Variants in STMN2 observed in about 807,000 individuals in gnomAD.
The protein encoded by STMN2 is stathmin 2, also known as stathmin-2.
Under a neutral mutation model 24.1 loss-of-function variants are expected in STMN2, and 2 were observed. That is an observed-to-expected ratio of 0.08 (90% CI 0.03 to 0.26). STMN2 has a LOEUF of 0.26. STMN2 is among the 10% of genes least tolerant of loss of function. The pLI, the probability that STMN2 is intolerant of heterozygous loss-of-function variation, is 1.00. For synonymous variants in STMN2, 83 were observed against 77.5 expected (o/e 1.07, Z -0.37); for missense variants, 114 against 213.6 (o/e 0.53, Z 2.91).
intron 1 of STMN2, among the ~76,000 whole-genome samples, chr8:79,614,197 GA>G (rs1375680603): frequency 6.6e-6 from 1 of 151,736 alleles, no homozygotes; most frequent in African/African-American, 2.4e-5. Context: ...TGCAAATCAT[GA>G]AAAAAACACT....
intron 2 of STMN2, 24 bp downstream of exon 2, chr8:79,636,921 C>T (rs780758761): frequency 2.5e-6 from 4 of 1,595,366 alleles, no homozygotes; most frequent in South Asian, 1.1e-5. Flanking sequence ...GATAGACATA[C>T]CCCTGCTAGC....
At chr8:79,623,986 T>C (rs1023429456) in intron 1 of STMN2, among the ~76,000 whole-genome samples, 2 of 152,212 alleles carry the variant, frequency 1.3e-5, no homozygotes, top group African/African-American at 4.8e-5. Flanking sequence ...GTATTTAGGA[T>C]GAAAAGTTTT....
intron 3 of STMN2, among the ~76,000 whole-genome samples, chr8:79,642,639 G>A (rs1452845562): frequency 6.6e-6 from 1 of 152,038 alleles, no homozygotes; most frequent in Non-Finnish European, 1.5e-5. Context: ...AGAGAATGCA[G>A]GACAAACACA....
At chr8:79,637,880 G>A (rs1003219823) in intron 2 of STMN2, among the ~76,000 whole-genome samples, 3 of 152,094 alleles carry the variant, frequency 2.0e-5, no homozygotes, top group Non-Finnish European at 4.4e-5. Context: ...CACCTTTAAA[G>A]CCTATTCAAG....
chr8:79,664,782 T>C, intron 4 of STMN2, 33 bp from the exon 5 acceptor site: 5 of 1,608,600 alleles, frequency 3.1e-6, no homozygotes, highest in Non-Finnish European at 3.4e-6. Context: ...AAAAAGGGCC[T>C]GTGACATTTC....
chr8:79,639,375 AAT>A (rs1236389949), intron 2 of STMN2, among the ~76,000 whole-genome samples: 1 of 152,202 alleles, frequency 6.6e-6, no homozygotes, highest in Non-Finnish European at 1.5e-5. Flanking sequence ...AGAATGGCCT[AAT>A]CATGGGTAGC....
At chr8:79,625,723 C>A (rs190607056) in intron 1 of STMN2, among the ~76,000 whole-genome samples, 8 of 152,110 alleles carry the variant, frequency 5.3e-5, no homozygotes, top group Admixed American at 2.0e-4. Flanking sequence ...TTTGGGAGGC[C>A]GAGGTGGGTG....
chr8:79,613,996 TATAA>T (rs57381449), intron 1 of STMN2, among the ~76,000 whole-genome samples: 15,418 of 152,186 alleles, frequency 0.1, 840 homozygotes, highest in East Asian at 0.21. Flanking sequence ...TCTATAAATA[TATAA>T]ATATAGTTTA....
At chr8:79,661,249 A>G (rs1415572597) in intron 4 of STMN2, among the ~76,000 whole-genome samples, 4 of 152,082 alleles carry the variant, frequency 2.6e-5, no homozygotes, top group Non-Finnish European at 5.9e-5. Context: ...TTACATTCCC[A>G]TCAACAGTGT....
chr8:79,612,807 C>T (rs1809272439), intron 1 of STMN2, among the ~76,000 whole-genome samples: 1 of 152,124 alleles, frequency 6.6e-6, no homozygotes, highest in Non-Finnish European at 1.5e-5. Context: ...CCGGGGAGAC[C>T]TCAGGCTCCG....
intron 1 of STMN2, among the ~76,000 whole-genome samples, chr8:79,620,142 T>A (rs989334102): frequency 6.7e-6 from 1 of 148,774 alleles, no homozygotes; most frequent in African/African-American, 2.4e-5. Context: ...AGAGGCAGAC[T>A]CGGAACACAG....
At chr8:79,620,982 A>G in intron 1 of STMN2, 1 of 985,148 alleles carries the variant, frequency 1.0e-6, no homozygotes, top group South Asian at 4.7e-5. Flanking sequence ...AGGGTCCCCA[A>G]GCAGCAGGCC....
chr8:79,658,762 T>A (rs1585912419), intron 4 of STMN2, among the ~76,000 whole-genome samples: 1 of 152,222 alleles, frequency 6.6e-6, no homozygotes, highest in Non-Finnish European at 1.5e-5. Flanking sequence ...ATGCCCATAA[T>A]GGTATCTTCA....
chr8:79,611,507 G>C (rs1022617365), intron 1 of STMN2, among the ~76,000 whole-genome samples: 1 of 151,880 alleles, frequency 6.6e-6, no homozygotes, highest in Non-Finnish European at 1.5e-5. Context: ...CGTGAGGGGA[G>C]GAAGCTACCT....
At chr8:79,647,075 A>G (rs1170390032) in intron 3 of STMN2, among the ~76,000 whole-genome samples, 2 of 152,040 alleles carry the variant, frequency 1.3e-5, no homozygotes, top group African/African-American at 4.8e-5. Context: ...AAATACATAC[A>G]TGTTCCACCT....
chr8:79,613,792 A>G (rs1018603520), intron 1 of STMN2: 39 of 985,284 alleles, frequency 4.0e-5, no homozygotes, highest in Admixed American at 1.2e-4. Flanking sequence ...ATTTTAAGTT[A>G]TAAAGCAAAT....
Position 79,665,057 on chromosome 8 carries a change from G to T in STMN2, c.*183G>T. On this transcript the variant is annotated 3_prime_UTR_variant, in exon 5 of 5. Transcript: ENST00000220876. ...ATGCGGTCTCTTTGCAGAATGTTTTGCTTGATGTTTAAAAAATACCTTGGA... is the reference window on the plus strand; with the variant it reads ...ATGCGGTCTCTTTGCAGAATGTTTTTCTTGATGTTTAAAAAATACCTTGGA... 2.3e-6 allele frequency: 1 copy of T among 441,008 alleles called. No homozygotes were observed. The highest frequency in any genetic ancestry group is 3.7e-6 in the Non-Finnish European group (1 of 268,488). 27.3% of individuals were successfully genotyped at this position (441,008 alleles called of 1,614,324 possible).
At chr8:79,634,427 A>G (rs1809891340) in intron 1 of STMN2, among the ~76,000 whole-genome samples, 1 of 152,222 alleles carries the variant, frequency 6.6e-6, no homozygotes, top group Non-Finnish European at 1.5e-5. Flanking sequence ...ACAGGACAAC[A>G]TGTATTGCTT....
At chr8:79,621,977 A>G (rs756602387) in intron 1 of STMN2, among the ~76,000 whole-genome samples, 9 of 152,192 alleles carry the variant, frequency 5.9e-5, no homozygotes, top group Non-Finnish European at 8.8e-5. Context: ...GTGCAATTAA[A>G]AATAATCAGC....
Sources: allele counts gnomAD v4.1 joint callset (sites outside exome capture counted in the v4.1 genomes callset), GRCh38; gene constraint gnomAD v4.1.1; transcripts MANE v1.5; gene names NCBI Gene and HGNC (gene_info 2026-07-23, HGNC 2026-07-21).